Variants in FRMD8 observed in about 807,000 individuals in gnomAD.
FRMD8 encodes FERM domain-containing protein 8.
A neutral mutation model predicts 54.2 loss-of-function variants in FRMD8; 37 were observed. The observed-to-expected ratio is 0.68, with a 90% CI of 0.53 to 0.90. The LOEUF is 0.90. Ranked by LOEUF, FRMD8 falls within the 40% of genes least tolerant of loss-of-function variation. FRMD8 has a pLI of 0.00. For missense variants in FRMD8, 585 were observed against 653.7 expected (o/e 0.89, Z 1.15); for synonymous variants, 246 against 286.9 (o/e 0.86, Z 1.44).
intron 3 of FRMD8, among the ~76,000 whole-genome samples, chr11:65,392,475 C>T (rs1352343163): frequency 6.6e-6 from 1 of 152,180 alleles, no homozygotes; most frequent in Admixed American, 6.5e-5. Flanking sequence ...TCTGGATGAA[C>T]TTGGAAGTGG....
upstream of FRMD8, among the ~76,000 whole-genome samples, chr11:65,385,032 A>T: frequency 6.6e-6 from 1 of 152,044 alleles, no homozygotes; most frequent in Non-Finnish European, 1.5e-5. Flanking sequence ...CCTCTTCCTT[A>T]ACTCACCAAT....
Position 65,404,065 on chromosome 11 carries a change from C to T in FRMD8, c.1072-799C>T, listed in dbSNP as rs1856136256. Among the ~76,000 whole-genome samples the T allele has an allele frequency of 6.6e-6, 1 of 152,184 alleles. No individual in the cohort carries two copies. The highest frequency in any genetic ancestry group is 2.4e-5 in the African/African-American group (1 of 41,440). On this transcript the variant is annotated intron_variant, in intron 9 of 10. Transcript: ENST00000317568. The surrounding 1 kb of genome is among the most constrained non-coding windows in gnomAD (Gnocchi z 4.7). The stretch of plus-strand genomic sequence containing the variant: ...TGGGCCGAGCAGCGGTGCCCACCTG[C>T]CCAGCCCAGAGGGATTGTAGCTGCC...
chr11:65,382,627 T>C (rs1004836571), upstream of FRMD8: 1 of 153,602 alleles, frequency 6.5e-6, no homozygotes, highest in Non-Finnish European at 1.5e-5. The surrounding 1 kb of genome is among the most constrained non-coding windows in gnomAD (Gnocchi z 4.4). Flanking sequence ...TGATCTGCAA[T>C]GGCACCATTC....
chr11:65,393,555 C>T lies in FRMD8; in HGVS notation c.254-18C>T, dbSNP rs768306362. On this transcript the variant is annotated intron_variant, in intron 3 of 10. Transcript: ENST00000317568. Reference sequence around the variant, plus strand: ...CTGGCCGGAGGCTGCATGGGCCACTCCCCATCTCGTCCTGCAGAGGTGCAG... The same window carrying T: ...CTGGCCGGAGGCTGCATGGGCCACTTCCCATCTCGTCCTGCAGAGGTGCAG... The T allele has an allele frequency of 1.2e-5, 19 of 1,596,974 alleles. No individual in the cohort carries two copies. Among genetic ancestry groups the T allele is most frequent in the Non-Finnish European group, 1.5e-5 (17 of 1,171,998 alleles).
rs368442392 is a variant in FRMD8, at chr11:65,400,471, C to T, written c.928-253C>T. Among the ~76,000 whole-genome samples the T allele has an allele frequency of 9.9e-5, 15 of 152,210 alleles. No individual in the cohort carries two copies. Among genetic ancestry groups the T allele is most frequent in the South Asian group, 6.2e-4 (3 of 4,836 alleles). On this transcript the variant is annotated intron_variant, in intron 8 of 10. Transcript: ENST00000317568. The surrounding 1 kb of genome is among the most constrained non-coding windows in gnomAD (Gnocchi z 4.3). ...GCTTCCCCACCTGCCTCCTCCCCCACGTGCCTCCCCCGCTGTCAGGGGCTT... is the reference window on the plus strand; with the variant it reads ...GCTTCCCCACCTGCCTCCTCCCCCATGTGCCTCCCCCGCTGTCAGGGGCTT...
At chr11:65,405,820 G>A (rs1213214414) in intron 10 of FRMD8, among the ~76,000 whole-genome samples, 1 of 151,892 alleles carries the variant, frequency 6.6e-6, no homozygotes, top group South Asian at 2.1e-4. Flanking sequence ...GGACAACAGA[G>A]TGAGACCCTG....
chr11:65,392,688 C>T (rs924668796), intron 3 of FRMD8, among the ~76,000 whole-genome samples: 33 of 152,162 alleles, frequency 2.2e-4, no homozygotes, highest in Admixed American at 1.1e-3. Flanking sequence ...GTCACTGTGC[C>T]CCAGGGATAC....
chr11:65,403,911 C>T (rs983122518), intron 9 of FRMD8, among the ~76,000 whole-genome samples: 4 of 152,188 alleles, frequency 2.6e-5, no homozygotes, highest in African/African-American at 7.2e-5. Context: ...CTGTCCCCAC[C>T]GGCTGCCGTC....
chr11:65,379,592 G>T, the FRMD8 span: 1 of 1,573,802 alleles, frequency 6.4e-7, no homozygotes, highest in Non-Finnish European at 8.7e-7. Flanking sequence ...AGCGGAGTAG[G>T]CACCGTGGGG....
intron 2 of FRMD8, among the ~76,000 whole-genome samples, chr11:65,387,818 G>A (rs904198089): frequency 2.1e-4 from 32 of 152,074 alleles, no homozygotes; most frequent in Non-Finnish European, 4.1e-4. Flanking sequence ...GATTACAGGC[G>A]TGAGCCACCA....
intron 7 of FRMD8, among the ~76,000 whole-genome samples, chr11:65,399,436 C>A (rs1408458408): frequency 6.6e-6 from 1 of 152,182 alleles, no homozygotes; most frequent in Non-Finnish European, 1.5e-5. Context: ...GGCCCCCAGA[C>A]CAAGTGCCAA....
intron 6 of FRMD8, among the ~76,000 whole-genome samples, chr11:65,395,844 G>A (rs1406714411): frequency 6.6e-6 from 1 of 152,246 alleles, no homozygotes; most frequent in African/African-American, 2.4e-5. Flanking sequence ...TGACACAGAT[G>A]TTGCTCTGAA....
rs925819729 is a variant in FRMD8 at position 65,393,691 on chromosome 11, G to C, written c.355+17G>C. On this transcript the variant is annotated intron_variant, in intron 4 of 10. Coordinates refer to ENST00000317568, the MANE Select transcript of FRMD8 (RefSeq NM_031904.5). ...TGGCCATGGGTCAGTGCTGCTGCCT[G>C]TCTGTCCTTGCCTCGGGACCACCTG... 3 of 1,588,318 alleles carry C rather than the reference G, an allele frequency of 1.9e-6. No individual in the cohort carries two copies. Among genetic ancestry groups the C allele is most frequent in the Non-Finnish European group, 2.6e-6 (3 of 1,167,302 alleles).
the FRMD8 span, among the ~76,000 whole-genome samples, chr11:65,370,256 G>A: frequency 6.6e-6 from 1 of 151,084 alleles, no homozygotes; most frequent in Non-Finnish European, 1.5e-5. Flanking sequence ...AACGTCTTGT[G>A]GTGGGAGGGA....
chr11:65,393,887 C>T (rs1488078335), intron 4 of FRMD8, 154 bp from the exon 5 acceptor site: 13 of 836,790 alleles, frequency 1.6e-5, no homozygotes, highest in East Asian at 2.7e-5. Flanking sequence ...CACCGGGGCA[C>T]GTTGGGATGA....
At chr11:65,379,100 G>C in the FRMD8 span, 3 of 455,552 alleles carry the variant, frequency 6.6e-6, no homozygotes, top group Non-Finnish European at 1.2e-5. Context: ...CCCTCTGGAG[G>C]GGGGCAAGCC....
At chr11:65,406,928 G>A (rs935004472) in intron 10 of FRMD8, among the ~76,000 whole-genome samples, 8 of 151,798 alleles carry the variant, frequency 5.3e-5, no homozygotes, top group African/African-American at 1.4e-4. Context: ...CAACAAGAAC[G>A]AAACTCCGTC....
rs533612662 is a variant in FRMD8 at position 65,404,460 on chromosome 11, G to A, written c.1072-404G>A. Among the ~76,000 whole-genome samples the A allele has an allele frequency of 4.0e-5, 6 of 151,832 alleles. No individual in the cohort carries two copies. Among genetic ancestry groups the A allele is most frequent in the African/African-American group, 9.7e-5 (4 of 41,366 alleles). ...CGCCCGCCCCTGCCCTGGTGACATCGCGCCCCTTCCTCCTGGCTGCAGGTT... is the reference window on the plus strand; with the variant it reads ...CGCCCGCCCCTGCCCTGGTGACATCACGCCCCTTCCTCCTGGCTGCAGGTT... On this transcript the variant is annotated intron_variant, in intron 9 of 10. Coordinates refer to ENST00000317568, the MANE Select transcript of FRMD8 (RefSeq NM_031904.5). This position sits in a 1 kb window ranked among gnomAD's most constrained non-coding sequence, Gnocchi z 4.7.
chr11:65,393,901 G>T, intron 4 of FRMD8, 140 bp from the exon 5 acceptor site: 2 of 918,302 alleles, frequency 2.2e-6, no homozygotes, highest in South Asian at 3.0e-5. Flanking sequence ...GGGATGAGCT[G>T]CACACTCCAC....
Sources: allele counts gnomAD v4.1 joint callset (sites outside exome capture counted in the v4.1 genomes callset), GRCh38; gene constraint gnomAD v4.1.1; non-coding constraint Gnocchi (gnomAD v3.1); transcripts MANE v1.5; gene names NCBI Gene and HGNC (gene_info 2026-07-23, HGNC 2026-07-21).